Variants in SSC4D observed in about 807,000 individuals in gnomAD.
The protein encoded by SSC4D is scavenger receptor cysteine rich family member with 4 domains, also known as scavenger receptor cysteine-rich domain-containing group B protein.
Under a neutral mutation model 63.4 loss-of-function variants are expected in SSC4D, and 57 were observed. The ratio of observed to expected loss-of-function variants is 0.90; its 90% CI spans 0.73 to 1.12. The LOEUF (loss-of-function observed/expected upper bound fraction) is 1.12, where lower values mean the gene tolerates loss of function less well. Among genes scored for constraint, SSC4D ranks in the 50% most tolerant of loss-of-function variants. The pLI is 0.00. For synonymous variants in SSC4D, 352 were observed against 345.4 expected (o/e 1.02, Z -0.21); for missense variants, 791 against 806.4 (o/e 0.98, Z 0.23).
Position 76,397,746 on chromosome 7 carries a change from A to G in SSC4D, c.640T>C (p.Cys214Arg), listed in dbSNP as rs1230353534. The change falls in exon 6 of 11, where the codon TGT becomes CGT. Residue 214 changes from cysteine (C) to arginine (R), a missense_variant. By Grantham distance (180) the Cys-to-Arg change is radical. Coordinates refer to ENST00000275560, the MANE Select transcript of SSC4D (RefSeq NM_080744.2). ...ILHSGLWGTV[C>R]DDDWGLPDAA... ...TCCGGCAGCCCCCAGTCGTCGTCACACACGGTGCCCCACAGGCCACTGTGC... is the reference window on the plus strand; with the variant it reads ...TCCGGCAGCCCCCAGTCGTCGTCACGCACGGTGCCCCACAGGCCACTGTGC... The G allele has an allele frequency of 6.2e-7, 1 of 1,613,110 alleles. No individual in the cohort carries two copies. Among genetic ancestry groups the G allele is most frequent in the Admixed American group, 1.7e-5 (1 of 59,936 alleles).
At chr7:76,402,218 C>T (rs1804856185) in intron 2 of SSC4D, among the ~76,000 whole-genome samples, 1 of 147,164 alleles carries the variant, frequency 6.8e-6, no homozygotes, top group Admixed American at 7.1e-5. Flanking sequence ...AGTCTTACTC[C>T]ATTCAGGCTG....
chr7:76,390,246 A>G lies in SSC4D; in HGVS notation c.1541T>C (p.Leu514Pro), dbSNP rs1317011612. 6.2e-7 allele frequency: 1 copy of G among 1,613,998 alleles called. No homozygotes were observed. Among genetic ancestry groups the G allele is most frequent in the Non-Finnish European group, 8.5e-7 (1 of 1,179,960 alleles). ...LRAAGVLCRQ[L>P]GCGQALAAPG... The stretch of plus-strand genomic sequence containing the variant: ...GGCTGCGAGGGCCTGGCCACAGCCC[A>G]GCTGGCGGCACAGGACACCGGCTGC... The change falls in exon 11 of 11, where the codon CTG becomes CCG. Residue 514 changes from leucine (L) to proline (P), a missense_variant. Physicochemically the swap from Leu to Pro is moderately conservative, Grantham distance 98 (BLOSUM62 -3). Transcript: ENST00000275560.
chr7:76,394,785 AT>A (rs1804594865), intron 7 of SSC4D, among the ~76,000 whole-genome samples: 1 of 144,818 alleles, frequency 6.9e-6, no homozygotes, highest in Non-Finnish European at 1.5e-5. Context: ...TGTATAATAT[AT>A]ATGATATATA....
At position 76,404,420 on chromosome 7, in the gene SSC4D, A is replaced by G; in HGVS notation, c.20T>C (p.Met7Thr). The change falls in exon 2 of 11, where the codon ATG becomes ACG. Residue 7 changes from methionine to threonine, a missense_variant. By Grantham distance (81) the Met-to-Thr change is moderately conservative. Coordinates refer to ENST00000275560, the MANE Select transcript of SSC4D (RefSeq NM_080744.2). ...CTCATCCAGCTGGGGACCAATTAGC[A>G]TCTCTGCTTCCTTGTGCATCTAGAT... MHKEAEMLIGPQLDEKR... is the reference protein window; with the variant it reads MHKEAETLIGPQLDEKR... 2 of 1,614,046 alleles carry G rather than the reference A, an allele frequency of 1.2e-6. No homozygotes were observed. Among genetic ancestry groups the G allele is most frequent in the Non-Finnish European group, 1.7e-6 (2 of 1,180,006 alleles).
At chr7:76,406,089 G>A (rs928458030) in intron 1 of SSC4D, among the ~76,000 whole-genome samples, 2 of 152,054 alleles carry the variant, frequency 1.3e-5, no homozygotes, top group South Asian at 2.1e-4. Context: ...GGGTTCAAGC[G>A]ATTCTCCTGC....
chr7:76,397,397 A>G, intron 6 of SSC4D, 121 bp downstream of exon 6: 1 of 1,222,170 alleles, frequency 8.2e-7, no homozygotes, highest in Non-Finnish European at 1.1e-6. Context: ...AGCTCTGGGG[A>G]GCATCAAGAC....
intron 9 of SSC4D, among the ~76,000 whole-genome samples, chr7:76,392,746 T>C (rs781246002): frequency 1.3e-5 from 2 of 151,316 alleles, no homozygotes; most frequent in Non-Finnish European, 2.9e-5. Flanking sequence ...TGAACTATGA[T>C]CGTGCCACTG....
In SSC4D at chr7:76,395,331, C is replaced by G; in HGVS notation, c.869-1G>C. 1 of 1,613,822 alleles carries G rather than the reference C, an allele frequency of 6.2e-7. No individual in the cohort carries two copies. Among genetic ancestry groups the G allele is most frequent in the Non-Finnish European group, 8.5e-7 (1 of 1,179,996 alleles). On this transcript the variant is annotated splice_acceptor_variant, in intron 6 of 10. Transcript: ENST00000275560. LOFTEE classifies it high-confidence loss of function. ...GCTGTGAGCGTTGGGGGACCCAGGC[C>G]TAGGGCAGGAGAGAAGGGGGCAGGG...
intron 1 of SSC4D, 85 bp from the exon 2 acceptor site, chr7:76,404,590 G>A: frequency 1.8e-6 from 2 of 1,123,414 alleles, no homozygotes; most frequent in Non-Finnish European, 2.6e-6. Context: ...CCAGGGGTTT[G>A]AGATCAGCCT....
chr7:76,393,288 C>A, intron 9 of SSC4D, 117 bp downstream of exon 9: 2 of 1,107,934 alleles, frequency 1.8e-6, no homozygotes, highest in Non-Finnish European at 2.3e-6. Flanking sequence ...CTGCGGAGTG[C>A]GCATGCTCCC....
intron 6 of SSC4D, 25 bp downstream of exon 6, chr7:76,397,493 C>G (rs529452777): frequency 6.8e-7 from 1 of 1,463,202 alleles, no homozygotes; most frequent in South Asian, 1.4e-5. Flanking sequence ...GCCCCGGCCC[C>G]GCCCATCGCC....
chr7:76,404,228 C>A, intron 2 of SSC4D, 79 bp downstream of exon 2: 4 of 1,453,180 alleles, frequency 2.8e-6, no homozygotes, highest in Non-Finnish European at 3.6e-6. Flanking sequence ...TCACAACCCT[C>A]CTCCTACTAT....
At chr7:76,395,836 C>T (rs1804624801) in intron 6 of SSC4D, among the ~76,000 whole-genome samples, 1 of 152,226 alleles carries the variant, frequency 6.6e-6, no homozygotes, top group South Asian at 2.1e-4. Flanking sequence ...GGATTACAGG[C>T]GCCTGCCAGC....
chr7:76,408,417 C>T (rs1164900693), intron 1 of SSC4D, among the ~76,000 whole-genome samples: 7 of 152,126 alleles, frequency 4.6e-5, no homozygotes, highest in Non-Finnish European at 1.5e-5. Context: ...CCAGTCTTTG[C>T]TTGTTGTGGG....
chr7:76,400,432 G>A lies in SSC4D; in HGVS notation c.329C>T (p.Pro110Leu). 1 of 1,607,076 alleles carries A rather than the reference G, an allele frequency of 6.2e-7. No individual in the cohort carries two copies. The highest frequency in any genetic ancestry group is 8.5e-7 in the Non-Finnish European group (1 of 1,175,780). The stretch of plus-strand genomic sequence containing the variant: ...GCCTCGGCCTTGGCCAAAGGCAAGG[G>A]GCCGTGGCACGGGCAGTGCCAGGCC... ...GCGLALPVPR[P>L]LAFGQGRGPI... The change falls in exon 4 of 11, where the codon CCC becomes CTC. Residue 110 changes from proline (P) to leucine (L), a missense_variant. Pro to Leu is a moderately conservative substitution (Grantham distance 98). Transcript: ENST00000275560.
chr7:76,393,844 G>A lies in SSC4D; in HGVS notation c.1007C>T (p.Ala336Val). ...ETALLTTAAWAAGKKSGRLRL... is the reference protein window; with the variant it reads ...ETALLTTAAWVAGKKSGRLRL... ...CCGCCACTTACTTTTCTTCCCCGCG[G>A]CCCAGGCGGCGGTGGTGAGCAGTGC... Residue 336 changes from alanine to valine, a missense_variant, in exon 8 of 11, where the codon GCC (alanine) becomes GTC (valine). Physicochemically the swap from Ala to Val is moderately conservative, Grantham distance 64. Transcript: ENST00000275560. 2.5e-6 allele frequency: 4 copies of A among 1,601,706 alleles called. No homozygotes were observed. The highest frequency in any genetic ancestry group is 2.6e-6 in the Non-Finnish European group (3 of 1,173,534).
intron 2 of SSC4D, among the ~76,000 whole-genome samples, chr7:76,402,067 T>C (rs903992010): frequency 6.6e-6 from 1 of 152,020 alleles, no homozygotes; most frequent in Non-Finnish European, 1.5e-5. Context: ...TCACCCAGCC[T>C]GGAGTGCAGT....
intron 9 of SSC4D, 37 bp downstream of exon 9, chr7:76,393,368 G>T: frequency 7.5e-7 from 1 of 1,330,442 alleles, no homozygotes; most frequent in Non-Finnish European, 9.6e-7. Flanking sequence ...GCAGTGCGCG[G>T]CCCCGCTGTC....
intron 6 of SSC4D, among the ~76,000 whole-genome samples, chr7:76,395,630 G>A (rs1804618409): frequency 6.6e-6 from 1 of 152,184 alleles, no homozygotes; most frequent in Non-Finnish European, 1.5e-5. Context: ...CAACAGACAT[G>A]GAGTACAGAA....
Sources: allele counts gnomAD v4.1 joint callset (sites outside exome capture counted in the v4.1 genomes callset), GRCh38; gene constraint gnomAD v4.1.1; transcripts MANE v1.5; gene names NCBI Gene and HGNC (gene_info 2026-07-23, HGNC 2026-07-21).